The following IL1R1 variants were observed in gnomAD, a reference collection of about 807,000 sequenced individuals.
IL1R1 encodes the protein interleukin 1 receptor type 1, also known as interleukin-1 receptor type 1.
In IL1R1, 22 loss-of-function variants were observed where a neutral mutation model predicts 50.2. The observed-to-expected ratio is 0.44, with a 90% CI of 0.31 to 0.63. IL1R1 has a LOEUF of 0.63. IL1R1 is among the 20% of genes least tolerant of loss of function. The probability of loss-of-function intolerance (pLI) is 0.07; values close to 1 mark genes in which losing one functional copy is unlikely to be tolerated. For synonymous variants in IL1R1, 251 were observed against 236.7 expected, an observed-to-expected ratio of 1.06 and a Z score of -0.55; for missense variants, 509 against 676.2, an observed-to-expected ratio of 0.75 and a Z score of 2.74.
chr2:102,155,646 G>A (rs985983851), intron 2 of IL1R1, among the ~76,000 whole-genome samples: 5 of 152,106 alleles, frequency 3.3e-5, no homozygotes, highest in Admixed American at 6.5e-5. Context: ...CCAAAAGCCC[G>A]CTGCTGAGAG....
At chr2:102,132,862 C>A (rs1165139660) in intron 1 of IL1R1, among the ~76,000 whole-genome samples, 2 of 152,158 alleles carry the variant, frequency 1.3e-5, no homozygotes, top group African/African-American at 4.8e-5. Context: ...TAGATAAATT[C>A]TTTGAAGGAC....
At chr2:102,098,913 A>G (rs1175027533) in intron 1 of IL1R1, among the ~76,000 whole-genome samples, 2 of 152,236 alleles carry the variant, frequency 1.3e-5, no homozygotes, top group East Asian at 1.9e-4. Flanking sequence ...GCTGTTGAAG[A>G]CAATACAGTT....
rs535081432 is a variant in IL1R1, at chr2:102,153,664, A to T, written c.-83-277A>T. 2.0e-5 allele frequency among the ~76,000 whole-genome samples: 3 copies of T among 152,200 alleles called. No individual in the cohort carries two copies. In the South Asian group the frequency reaches 6.2e-4, roughly 32 times the overall value. ...AATTCTCATGAGATCTGATGGTTTA[A>T]AAGTGTTTGGCACTTCCCCCCTTGC... On this transcript the variant is annotated intron_variant, in intron 1 of 11. Transcript: ENST00000410023.
chr2:102,088,368 C>T (rs1214090642), intron 1 of IL1R1, among the ~76,000 whole-genome samples: 3 of 152,110 alleles, frequency 2.0e-5, no homozygotes, highest in Admixed American at 2.0e-4. Context: ...TTCATCAGAG[C>T]CCTTGGATGA....
intron 1 of IL1R1, among the ~76,000 whole-genome samples, chr2:102,076,958 CA>C (rs1678994657): frequency 6.6e-6 from 1 of 152,138 alleles, no homozygotes; most frequent in Non-Finnish European, 1.5e-5. Context: ...CATTGTTCTA[CA>C]ATTCATTAAT....
chr2:102,124,145 G>T (rs1342491138), intron 1 of IL1R1, among the ~76,000 whole-genome samples: 2 of 152,180 alleles, frequency 1.3e-5, no homozygotes, highest in Non-Finnish European at 2.9e-5. Context: ...CCCGAGACTG[G>T]GCACAGTGGC....
chr2:102,090,141 T>C (rs1034934901), intron 1 of IL1R1, among the ~76,000 whole-genome samples: 1 of 151,120 alleles, frequency 6.6e-6, no homozygotes, highest in African/African-American at 2.4e-5. Context: ...GCCTATCCTT[T>C]TTTTTTCAAT....
At chr2:102,111,651 A>G (rs1291369940) in intron 1 of IL1R1, among the ~76,000 whole-genome samples, 1 of 152,186 alleles carries the variant, frequency 6.6e-6, no homozygotes, top group Non-Finnish European at 1.5e-5. Context: ...TGCGAGATAG[A>G]ATCAAATGTC....
intron 1 of IL1R1, among the ~76,000 whole-genome samples, chr2:102,108,207 AGTGT>A (rs147039622): frequency 6.7e-6 from 1 of 148,812 alleles, no homozygotes; most frequent in African/African-American, 2.5e-5. Context: ...AAACTTGGGA[AGTGT>A]GTGTGTGTGT....
chr2:102,142,302 A>G (rs1682707953), upstream of IL1R1: 1 of 152,174 alleles, frequency 6.6e-6, no homozygotes, highest in Admixed American at 6.5e-5. Flanking sequence ...TAGTGCACAA[A>G]GCCAGTCGGA....
chr2:102,152,801 C>T (rs1683810967), intron 1 of IL1R1, among the ~76,000 whole-genome samples: 1 of 152,162 alleles, frequency 6.6e-6, no homozygotes, highest in Non-Finnish European at 1.5e-5. Context: ...GATGGGCCAA[C>T]ACACCTCTGA....
At chr2:102,136,063 C>A (rs1310726144) in intron 1 of IL1R1, among the ~76,000 whole-genome samples, 1 of 152,116 alleles carries the variant, frequency 6.6e-6, no homozygotes, top group Non-Finnish European at 1.5e-5. Flanking sequence ...CATGCCATTA[C>A]TGGGGAATTC....
At chr2:102,088,122 A>G (rs1679506625) in intron 1 of IL1R1, among the ~76,000 whole-genome samples, 1 of 152,198 alleles carries the variant, frequency 6.6e-6, no homozygotes, top group South Asian at 2.1e-4. Context: ...TAATGTTGAT[A>G]TGTTGACCTC....
At chr2:102,146,794 A>G (rs980890193) in intron 1 of IL1R1, among the ~76,000 whole-genome samples, 1 of 152,196 alleles carries the variant, frequency 6.6e-6, no homozygotes, top group East Asian at 1.9e-4. Context: ...ATGCAGGACA[A>G]GTCTTTTCTG....
intron 1 of IL1R1, among the ~76,000 whole-genome samples, chr2:102,143,467 C>T (rs1203008741): frequency 6.6e-6 from 1 of 152,178 alleles, no homozygotes; most frequent in Non-Finnish European, 1.5e-5. Context: ...GGGAATGTAG[C>T]TACAAGCAAG....
chr2:102,125,335 T>A (rs750193501), intron 1 of IL1R1, among the ~76,000 whole-genome samples: 3 of 152,224 alleles, frequency 2.0e-5, no homozygotes, highest in Non-Finnish European at 4.4e-5. Flanking sequence ...TTCATCATAT[T>A]TGCATCAAGA....
intron 11 of IL1R1, 138 bp downstream of exon 11, chr2:102,175,783 G>T: frequency 2.7e-6 from 2 of 754,022 alleles, no homozygotes; most frequent in South Asian, 3.1e-5. Flanking sequence ...AGTGTATGAT[G>T]ATTTTTACAT....
intron 7 of IL1R1, 62 bp from the exon 8 acceptor site, chr2:102,171,739 A>G: frequency 1.1e-6 from 1 of 899,520 alleles, no homozygotes; most frequent in Non-Finnish European, 1.6e-6. Flanking sequence ...ATAGCCATTT[A>G]TTAATCTAGA....
chr2:102,095,063 G>A (rs965241529), intron 1 of IL1R1, among the ~76,000 whole-genome samples: 16 of 152,062 alleles, frequency 1.1e-4, no homozygotes, highest in Non-Finnish European at 1.8e-4. Flanking sequence ...TAACAGATAC[G>A]CCACTTCACA....
Sources: gnomAD v4.1 joint callset for allele counts (sites outside exome capture counted in the v4.1 genomes callset) on GRCh38, gnomAD v4.1.1 for gene constraint, MANE v1.5 for transcripts, NCBI Gene and HGNC (gene_info 2026-07-23, HGNC 2026-07-21) for gene names.